Variants in ZNF385D observed in about 807,000 individuals in gnomAD.
ZNF385D encodes zinc finger protein 659.
A neutral mutation model predicts 35.8 loss-of-function variants in ZNF385D; 15 were observed. That is an observed-to-expected ratio of 0.42 (90% CI 0.28 to 0.64). The LOEUF (loss-of-function observed/expected upper bound fraction) is 0.64, where lower values mean the gene tolerates loss of function less well. Among genes scored for constraint, ZNF385D ranks in the 30% least tolerant of loss-of-function variants. The pLI, the probability that ZNF385D is intolerant of heterozygous loss-of-function variation, is 0.23. For missense variants in ZNF385D, 474 were observed against 494.6 expected, an observed-to-expected ratio of 0.96 and a Z score of 0.39; for synonymous variants, 212 against 186.8, an observed-to-expected ratio of 1.13 and a Z score of -1.10.
intron 3 of ZNF385D, among the ~76,000 whole-genome samples, chr3:21,783,823 T>C (rs1478400962): frequency 1.3e-5 from 2 of 152,168 alleles, no homozygotes; most frequent in Non-Finnish European, 2.9e-5. Flanking sequence ...GGGACATTAT[T>C]TGAAAAAGGA....
chr3:21,840,229 T>C (rs1575755048), intron 3 of ZNF385D, among the ~76,000 whole-genome samples: 2 of 152,034 alleles, frequency 1.3e-5, no homozygotes, highest in Admixed American at 6.6e-5. Context: ...GTATTACACA[T>C]GCAAGACATG....
At chr3:22,113,818 G>A (rs1281561927) in intron 3 of ZNF385D, among the ~76,000 whole-genome samples, 1 of 152,020 alleles carries the variant, frequency 6.6e-6, no homozygotes, top group African/African-American at 2.4e-5. Flanking sequence ...ACAATTTGGT[G>A]CTTTTTCAAG....
intron 3 of ZNF385D, among the ~76,000 whole-genome samples, chr3:21,908,116 C>CTATA (rs749835933): frequency 8.1e-6 from 1 of 123,502 alleles, no homozygotes; most frequent in Non-Finnish European, 1.8e-5. Context: ...ATCTTTCTCT[C>CTATA]TATATCTATC....
chr3:21,447,087 T>G (rs986835002), intron 4 of ZNF385D, among the ~76,000 whole-genome samples: 9 of 152,144 alleles, frequency 5.9e-5, no homozygotes, highest in African/African-American at 1.7e-4. Flanking sequence ...CCTAAGTTCA[T>G]CAGAAGGTAA....
chr3:22,026,805 T>C (rs545915629), intron 3 of ZNF385D, among the ~76,000 whole-genome samples: 1 of 152,180 alleles, frequency 6.6e-6, no homozygotes, highest in African/African-American at 2.4e-5. Context: ...AGTGCCACCA[T>C]CAAGGACTTG....
Position 21,510,943 on chromosome 3 carries a change from T to C in ZNF385D, c.357A>G (p.Lys119=). 1 of 1,614,144 alleles carries C rather than the reference T, an allele frequency of 6.2e-7. No individual in the cohort carries two copies. Among genetic ancestry groups the C allele is most frequent in the Non-Finnish European group, 8.5e-7 (1 of 1,180,014 alleles). Residue 119 remains lysine, a synonymous_variant, in exon 4 of 8, where the codon AAA becomes AAG. Coordinates refer to ENST00000281523, the MANE Select transcript of ZNF385D (RefSeq NM_024697.3). ...TTGCGCTGTCCTTGGCAGTTACAGA[T>C]TTCTGCTTATTTTTCATGGCTTCCA... The part of the protein sequence containing the change: ...KALEAMKNKQ[K]SVTAKDSAKT...
intron 4 of ZNF385D, among the ~76,000 whole-genome samples, chr3:21,448,070 G>T (rs1702250093): frequency 6.6e-6 from 1 of 152,126 alleles, no homozygotes; most frequent in African/African-American, 2.4e-5. Flanking sequence ...TAGCTATGCA[G>T]AAAATGTTTT....
chr3:22,331,244 A>C (rs1003325210), intron 2 of ZNF385D, among the ~76,000 whole-genome samples: 7 of 152,146 alleles, frequency 4.6e-5, no homozygotes, highest in African/African-American at 1.7e-4. Flanking sequence ...TGTGATGAAA[A>C]GGCTTTGCAT....
chr3:21,592,286 C>T (rs2063997871), intron 2 of ZNF385D, among the ~76,000 whole-genome samples: 1 of 152,126 alleles, frequency 6.6e-6, no homozygotes, highest in African/African-American at 2.4e-5. Flanking sequence ...GCTTTTCTTC[C>T]CATCACTTGA....
chr3:22,193,359 C>G (rs1696189512), intron 2 of ZNF385D, among the ~76,000 whole-genome samples: 1 of 151,884 alleles, frequency 6.6e-6, no homozygotes, highest in South Asian at 2.1e-4. Flanking sequence ...CAAAGTGATA[C>G]AATCATACCA....
In ZNF385D at chr3:21,479,061, A is replaced by AT. The variant is rs397825498; in HGVS notation, c.439+31799_439+31800insA. 1.4e-3 allele frequency among the ~76,000 whole-genome samples: 210 copies of AT among 151,782 alleles called. 1 individual carries two copies. Among genetic ancestry groups the AT allele is most frequent in the African/African-American group, 5.0e-3 (206 of 41,448 alleles). On this transcript the variant is annotated intron_variant, in intron 4 of 7. Transcript: ENST00000281523. ...TTGTAAATATTGGGTATATATATATAAATTACTGTGACTACATTATTTCAG... is the reference window on the plus strand; with the variant it reads ...TTGTAAATATTGGGTATATATATATATAATTACTGTGACTACATTATTTCAG...
rs17008902 is a variant in ZNF385D at position 21,479,826 on chromosome 3, G to A, written c.439+31035C>T. Among the ~76,000 whole-genome samples, 47 of 152,206 alleles carry A rather than the reference G, an allele frequency of 3.1e-4. No homozygotes were observed. The South Asian group carries it at 9.3e-3, about 30-fold the overall frequency. ...TAATATTACTTGATTTGACAGAAATGCATTAGCTATGACAAATGCTTCATA... is the reference window on the plus strand; with the variant it reads ...TAATATTACTTGATTTGACAGAAATACATTAGCTATGACAAATGCTTCATA... On this transcript the variant is annotated intron_variant, in intron 4 of 7. Transcript: ENST00000281523.
At chr3:21,821,024 T>C (rs898287583) in intron 3 of ZNF385D, among the ~76,000 whole-genome samples, 27 of 152,136 alleles carry the variant, frequency 1.8e-4, no homozygotes, top group African/African-American at 6.3e-4. Flanking sequence ...ATACACTAAA[T>C]GGAGTCAATA....
chr3:21,513,830 T>A (rs1270938384), intron 3 of ZNF385D, among the ~76,000 whole-genome samples: 1 of 152,166 alleles, frequency 6.6e-6, no homozygotes, highest in Non-Finnish European at 1.5e-5. Flanking sequence ...TTCTAATTTA[T>A]CTATAGTGAC....
intron 3 of ZNF385D, among the ~76,000 whole-genome samples, chr3:21,961,990 G>A (rs1446101998): frequency 6.6e-6 from 1 of 152,046 alleles, no homozygotes. Flanking sequence ...GGGTCTTGTG[G>A]GCCAGATTAA....
intron 2 of ZNF385D, among the ~76,000 whole-genome samples, chr3:22,278,030 C>A (rs760180258): frequency 3.9e-5 from 6 of 152,072 alleles, no homozygotes; most frequent in Non-Finnish European, 2.9e-5. Flanking sequence ...CTCCCCAACA[C>A]TGTGTATCTC....
chr3:22,143,364 A>G (rs554284740), intron 3 of ZNF385D, among the ~76,000 whole-genome samples: 12 of 152,254 alleles, frequency 7.9e-5, no homozygotes, highest in East Asian at 1.9e-4. Context: ...GATTACAGGC[A>G]TGAGCCACCA....
chr3:21,818,803 T>A (rs573627403), intron 3 of ZNF385D, among the ~76,000 whole-genome samples: 3 of 152,004 alleles, frequency 2.0e-5, no homozygotes, highest in African/African-American at 7.2e-5. Flanking sequence ...ATATTTTAAA[T>A]TTTCCTATAT....
At chr3:22,370,568 T>C (rs1361561801) in intron 2 of ZNF385D, among the ~76,000 whole-genome samples, 3 of 152,256 alleles carry the variant, frequency 2.0e-5, no homozygotes, top group Non-Finnish European at 4.4e-5. Context: ...GAATTAAAAC[T>C]TAGAGAGGTT....
Sources: gnomAD v4.1 joint callset for allele counts (sites outside exome capture counted in the v4.1 genomes callset) on GRCh38, gnomAD v4.1.1 for gene constraint, MANE v1.5 for transcripts, NCBI Gene and HGNC (gene_info 2026-07-23, HGNC 2026-07-21) for gene names.